Variants in PCSK2 observed in about 807,000 individuals in gnomAD.
PCSK2 encodes the protein proprotein convertase subtilisin/kexin type 2.
A neutral mutation model predicts 69.7 loss-of-function variants in PCSK2; 14 were observed. The ratio of observed to expected loss-of-function variants is 0.20; its 90% CI spans 0.13 to 0.31. The LOEUF (loss-of-function observed/expected upper bound fraction) is 0.31, where lower values mean the gene tolerates loss of function less well. Ranked by LOEUF, PCSK2 falls within the 10% of genes least tolerant of loss-of-function variation. The pLI is 1.00. For synonymous variants in PCSK2, 307 were observed against 320.7 expected, an observed-to-expected ratio of 0.96 and a Z score of 0.46; for missense variants, 544 against 842.5, an observed-to-expected ratio of 0.65 and a Z score of 4.39.
intron 1 of PCSK2, among the ~76,000 whole-genome samples, chr20:17,245,946 ATG>A (rs1264817289): frequency 6.6e-6 from 1 of 152,120 alleles, no homozygotes; most frequent in Non-Finnish European, 1.5e-5. Context: ...AATATATTAA[ATG>A]TCTTACCAAT....
chr20:17,331,209 G>T (rs1374564441), intron 2 of PCSK2, among the ~76,000 whole-genome samples: 1 of 152,172 alleles, frequency 6.6e-6, no homozygotes, highest in Non-Finnish European at 1.5e-5. Flanking sequence ...CACTCCTTGT[G>T]GGCTGTGCTG....
intron 2 of PCSK2, among the ~76,000 whole-genome samples, chr20:17,264,263 C>A (rs1042434309): frequency 3.3e-5 from 5 of 152,150 alleles, no homozygotes; most frequent in African/African-American, 1.2e-4. Flanking sequence ...AACTTCATTT[C>A]TTGAGAGAGG....
At chr20:17,325,535 A>G (rs1252750267) in intron 2 of PCSK2, among the ~76,000 whole-genome samples, 1 of 152,256 alleles carries the variant, frequency 6.6e-6, no homozygotes, top group African/African-American at 2.4e-5. Flanking sequence ...AAAGCCTTCC[A>G]TCTACTCAAT....
intron 2 of PCSK2, among the ~76,000 whole-genome samples, chr20:17,263,741 C>T (rs116512998): frequency 0.017 from 2,589 of 152,262 alleles, 91 homozygotes; most frequent in African/African-American, 0.059. Flanking sequence ...CCATGAAGAA[C>T]CAGTTCTTAA....
intron 7 of PCSK2, among the ~76,000 whole-genome samples, chr20:17,433,659 T>G (rs576480538): frequency 2.0e-4 from 30 of 152,346 alleles, no homozygotes; most frequent in African/African-American, 7.2e-4. Context: ...CTCATTAATG[T>G]GCTGTGCAGG....
chr20:17,313,186 T>A (rs1252108692), intron 2 of PCSK2, among the ~76,000 whole-genome samples: 1 of 152,226 alleles, frequency 6.6e-6, no homozygotes. Flanking sequence ...AGTGAGATAG[T>A]TACACTCTTA....
At chr20:17,367,861 T>A (rs986977028) in intron 4 of PCSK2, among the ~76,000 whole-genome samples, 1 of 152,194 alleles carries the variant, frequency 6.6e-6, no homozygotes, top group African/African-American at 2.4e-5. Flanking sequence ...AATATTTGTC[T>A]TTAAATATTC....
chr20:17,426,702 C>A (rs549501755), intron 6 of PCSK2, among the ~76,000 whole-genome samples: 4 of 152,224 alleles, frequency 2.6e-5, no homozygotes, highest in Admixed American at 2.0e-4. Context: ...GAAGATCCAA[C>A]GTTACAGGTG....
In PCSK2 at chr20:17,250,997, G is replaced by A. The variant is rs141980230; in HGVS notation, c.178-9243G>A. On this transcript the variant is annotated intron_variant, in intron 1 of 11. Coordinates refer to ENST00000262545, the MANE Select transcript of PCSK2 (RefSeq NM_002594.5). ...TGCCTGTAATCCCAGCTACTCGGGC[G>A]GCTGAGGCAGGAGAATTGCTTGAAT... 7.4e-4 allele frequency among the ~76,000 whole-genome samples: 113 copies of A among 152,206 alleles called. 1 individual carries two copies. Among genetic ancestry groups the A allele is most frequent in the Admixed American group, 5.7e-3 (87 of 15,278 alleles).
At chr20:17,372,400 TA>T (rs2030795840) in intron 5 of PCSK2, among the ~76,000 whole-genome samples, 1 of 138,546 alleles carries the variant, frequency 7.2e-6, no homozygotes, top group Non-Finnish European at 1.5e-5. Context: ...AATAAATAAA[TA>T]AATAAATAAA....
intron 2 of PCSK2, among the ~76,000 whole-genome samples, chr20:17,315,825 G>C (rs1471126630): frequency 1.3e-5 from 2 of 152,190 alleles, no homozygotes; most frequent in African/African-American, 4.8e-5. Context: ...ATTCTGTCCC[G>C]GTGCTTCACC....
At chr20:17,287,126 C>A (rs776205001) in intron 2 of PCSK2, among the ~76,000 whole-genome samples, 1 of 152,062 alleles carries the variant, frequency 6.6e-6, no homozygotes, top group African/African-American at 2.4e-5. Flanking sequence ...CTTTACTCAG[C>A]TCTGCTCACT....
chr20:17,389,308 C>T (rs2021788), intron 5 of PCSK2, among the ~76,000 whole-genome samples: 46,718 of 151,870 alleles, frequency 0.31, 8,580 homozygotes, highest in South Asian at 0.58. Flanking sequence ...AGTCAAGGGT[C>T]TTGGAAGGAA....
chr20:17,361,574 C>G (rs941177633), intron 4 of PCSK2, among the ~76,000 whole-genome samples: 10 of 152,200 alleles, frequency 6.6e-5, no homozygotes, highest in African/African-American at 2.4e-4. Context: ...AGAGATGAAA[C>G]AGTTGAGCCT....
At chr20:17,423,956 T>A (rs1164115785) in intron 6 of PCSK2, among the ~76,000 whole-genome samples, 1 of 152,124 alleles carries the variant, frequency 6.6e-6, no homozygotes, top group Non-Finnish European at 1.5e-5. Context: ...TCAACAATGA[T>A]CAATGTTGAA....
At chr20:17,327,479 A>G (rs1350512696) in intron 2 of PCSK2, among the ~76,000 whole-genome samples, 1 of 152,206 alleles carries the variant, frequency 6.6e-6, no homozygotes, top group Admixed American at 6.5e-5. Flanking sequence ...CCAAAGATTT[A>G]GCAAAATGCT....
chr20:17,360,414 G>T, intron 3 of PCSK2, 118 bp from the exon 4 acceptor site: 1 of 587,744 alleles, frequency 1.7e-6, no homozygotes. Context: ...TGGAAGATGT[G>T]GCCTTTGAGC....
chr20:17,335,220 G>A (rs1406307071), intron 2 of PCSK2, among the ~76,000 whole-genome samples: 2 of 151,840 alleles, frequency 1.3e-5, no homozygotes, highest in African/African-American at 2.4e-5. Context: ...GACTCAACAG[G>A]GCTGGATGTC....
At chr20:17,464,806 T>C (rs1233845228) in intron 10 of PCSK2, 1 of 166,850 alleles carries the variant, frequency 6.0e-6, no homozygotes, top group Non-Finnish European at 1.3e-5. Flanking sequence ...CTCCCTATCT[T>C]TTGGATGGCA....
Sources: allele counts gnomAD v4.1 joint callset (sites outside exome capture counted in the v4.1 genomes callset), GRCh38; gene constraint gnomAD v4.1.1; transcripts MANE v1.5; gene names NCBI Gene and HGNC (gene_info 2026-07-23, HGNC 2026-07-21).